PTPRG: variants seen among roughly 807,000 people sequenced by gnomAD.
The protein encoded by PTPRG is receptor-type tyrosine-protein phosphatase gamma.
A neutral mutation model predicts 165.3 loss-of-function variants in PTPRG; 102 were observed. The ratio of observed to expected loss-of-function variants is 0.62; its 90% CI spans 0.53 to 0.73. The LOEUF (loss-of-function observed/expected upper bound fraction) is 0.73, where lower values mean the gene tolerates loss of function less well. PTPRG is among the 30% of genes least tolerant of loss of function. PTPRG has a pLI of 0.00. For missense variants in PTPRG, 1,866 were observed against 1,861.4 expected (o/e 1.00, Z -0.05); for synonymous variants, 675 against 669.5 (o/e 1.01, Z -0.13).
chr3:62,288,492 G>C (rs1196005868), intron 28 of PTPRG, among the ~76,000 whole-genome samples: 1 of 152,024 alleles, frequency 6.6e-6, no homozygotes, highest in Non-Finnish European at 1.5e-5. Flanking sequence ...GGCCAACATG[G>C]CGAAACCCCG....
intron 4 of PTPRG, among the ~76,000 whole-genome samples, chr3:62,049,732 G>C (rs1220753372): frequency 6.6e-6 from 1 of 152,174 alleles, no homozygotes; most frequent in African/African-American, 2.4e-5. Context: ...CTCACCCTGC[G>C]TGGTAGGTCA....
chr3:61,591,739 G>C (rs544714121), intron 1 of PTPRG, among the ~76,000 whole-genome samples: 20 of 152,166 alleles, frequency 1.3e-4, no homozygotes, highest in Non-Finnish European at 2.9e-4. Flanking sequence ...GAAGCACTAT[G>C]TATAGTGGTT....
chr3:61,618,421 C>A (rs1459136387), intron 1 of PTPRG, among the ~76,000 whole-genome samples: 1 of 152,122 alleles, frequency 6.6e-6, no homozygotes, highest in East Asian at 1.9e-4. Flanking sequence ...ATTGCATTCC[C>A]TTGCAAGGAT....
At chr3:61,926,892 C>T (rs1312968505) in intron 2 of PTPRG, among the ~76,000 whole-genome samples, 2 of 150,126 alleles carry the variant, frequency 1.3e-5, no homozygotes, top group East Asian at 3.9e-4. Context: ...GAAATTAAAA[C>T]AAAAACGAAA....
chr3:61,742,313 G>C (rs2033021675), intron 1 of PTPRG: 1 of 583,432 alleles, frequency 1.7e-6, no homozygotes, highest in South Asian at 2.5e-5. Flanking sequence ...AATTAAATGA[G>C]GCACGTAGGA....
chr3:61,674,354 G>T (rs1264907494), intron 1 of PTPRG, among the ~76,000 whole-genome samples: 1 of 151,928 alleles, frequency 6.6e-6, no homozygotes, highest in Non-Finnish European at 1.5e-5. Flanking sequence ...ATATTGGTTA[G>T]CAGGGAGTAG....
At position 61,628,658 on chromosome 3, in the gene PTPRG, T is replaced by G. The variant is rs527260811; in HGVS notation, c.85+66286T>G. Among the ~76,000 whole-genome samples the G allele has an allele frequency of 2.6e-5, 4 of 152,314 alleles. No homozygotes were observed. In the East Asian group the frequency reaches 7.7e-4, roughly 29 times the overall value. ...CCTGTCAACTTCTAATGATATAATG[T>G]TGGTGGTGATGGTAAATTATTTGGA... On this transcript the variant is annotated intron_variant, in intron 1 of 29. Coordinates refer to ENST00000474889, the MANE Select transcript of PTPRG (RefSeq NM_002841.4).
chr3:61,700,019 G>A (rs912562326), intron 1 of PTPRG, among the ~76,000 whole-genome samples: 1 of 152,100 alleles, frequency 6.6e-6, no homozygotes, highest in East Asian at 1.9e-4. Context: ...TGATATCTGG[G>A]ATTCTGGGTT....
intron 2 of PTPRG, among the ~76,000 whole-genome samples, chr3:61,932,732 A>G (rs1559697228): frequency 6.6e-6 from 1 of 152,142 alleles, no homozygotes; most frequent in African/African-American, 2.4e-5. Context: ...TTTTGACTCA[A>G]AACTTGTAAC....
chr3:62,260,620 T>C (rs1396682231), intron 16 of PTPRG, among the ~76,000 whole-genome samples: 2 of 152,202 alleles, frequency 1.3e-5, no homozygotes, highest in African/African-American at 4.8e-5. Flanking sequence ...TTAAACTATT[T>C]ATCAAGTTCT....
chr3:61,977,667 A>G (rs2040541066), intron 2 of PTPRG, among the ~76,000 whole-genome samples: 2 of 152,192 alleles, frequency 1.3e-5, no homozygotes, highest in South Asian at 2.1e-4. Flanking sequence ...TAAAAAGTTT[A>G]ACTTTTAAAT....
chr3:62,164,754 CA>C (rs1343388729), intron 7 of PTPRG, among the ~76,000 whole-genome samples: 1 of 152,214 alleles, frequency 6.6e-6, no homozygotes, highest in Non-Finnish European at 1.5e-5. Flanking sequence ...CTCATTTTTA[CA>C]GTTATGTGAC....
intron 2 of PTPRG, among the ~76,000 whole-genome samples, chr3:61,856,904 T>C (rs1421200224): frequency 1.3e-5 from 2 of 152,216 alleles, no homozygotes; most frequent in Non-Finnish European, 2.9e-5. Context: ...TAAAGTCACA[T>C]AAGCAGTACT....
At chr3:61,591,818 C>A (rs949481988) in intron 1 of PTPRG, among the ~76,000 whole-genome samples, 3 of 152,078 alleles carry the variant, frequency 2.0e-5, no homozygotes, top group African/African-American at 7.2e-5. Context: ...TAGATAGATA[C>A]GGTGCGATTC....
At chr3:61,571,270 G>A (rs952128646) in intron 1 of PTPRG, among the ~76,000 whole-genome samples, 4 of 152,156 alleles carry the variant, frequency 2.6e-5, no homozygotes, top group African/African-American at 7.2e-5. Flanking sequence ...GGGGAGCGGT[G>A]GGGGGCGGTG....
chr3:62,142,569 ACAT>A (rs1367156329), intron 6 of PTPRG, among the ~76,000 whole-genome samples: 5 of 152,184 alleles, frequency 3.3e-5, no homozygotes, highest in Non-Finnish European at 7.4e-5. Flanking sequence ...CCTCTGGGAC[ACAT>A]CAAGTTCCAA....
chr3:61,908,445 A>G (rs900222515), intron 2 of PTPRG, among the ~76,000 whole-genome samples: 6 of 150,194 alleles, frequency 4.0e-5, no homozygotes, highest in Admixed American at 4.0e-4. Context: ...TCAGTTTTTC[A>G]GAAGTGGAAA....
intron 2 of PTPRG, among the ~76,000 whole-genome samples, chr3:61,844,689 A>T (rs1420033524): frequency 6.7e-6 from 1 of 149,306 alleles, no homozygotes; most frequent in Non-Finnish European, 1.5e-5. Flanking sequence ...TTTGGTAGAG[A>T]TGCGTATCTT....
intron 2 of PTPRG, among the ~76,000 whole-genome samples, chr3:61,832,484 C>G (rs896313656): frequency 9.9e-5 from 15 of 152,116 alleles, no homozygotes; most frequent in African/African-American, 3.4e-4. Flanking sequence ...CTGACCTGGA[C>G]TTGAACCCAG....
Sources: allele counts gnomAD v4.1 joint callset (sites outside exome capture counted in the v4.1 genomes callset), GRCh38; gene constraint gnomAD v4.1.1; transcripts MANE v1.5; gene names NCBI Gene and HGNC (gene_info 2026-07-23, HGNC 2026-07-21).